The following TULP4 variants were observed in gnomAD, a reference collection of about 807,000 sequenced individuals.
The protein encoded by TULP4 is TUB like protein 4, also known as tubby-related protein 4.
TULP4 carries 16 observed loss-of-function variants against 129.0 expected under a neutral mutation model. The ratio of observed to expected loss-of-function variants is 0.12; its 90% CI spans 0.08 to 0.19. The LOEUF is 0.19. Among genes scored for constraint, TULP4 ranks in the 10% least tolerant of loss-of-function variants. The pLI is 1.00. For missense variants in TULP4, 1,842 were observed against 2,059.1 expected (o/e 0.89, Z 2.04); for synonymous variants, 998 against 854.0 (o/e 1.17, Z -2.94).
At position 158,503,649 on chromosome 6, in the gene TULP4, G is replaced by A. The variant is rs778290647; in HGVS notation, c.3986G>A (p.Arg1329Gln). The A allele has an allele frequency of 3.8e-5, 62 of 1,613,854 alleles. No individual in the cohort carries two copies. The highest frequency in any genetic ancestry group is 1.7e-4 in the Admixed American group (10 of 59,978). The change falls in exon 13 of 14, where the codon CGG becomes CAG. Residue 1329 changes from arginine to glutamine, a missense_variant. Coordinates refer to ENST00000367097, the MANE Select transcript of TULP4 (RefSeq NM_020245.5). The surrounding 1 kb of genome is among the most constrained non-coding windows in gnomAD (Gnocchi z 4.3). ...CTGACCGAAAGCCCAGTCCCCCAGC[G>A]GACAGAAAAATTTGGAAAGAAGAAC... ...LSLTESPVPQRTEKFGKKNRK... is the reference protein window; with the variant it reads ...LSLTESPVPQQTEKFGKKNRK...
chr6:158,299,977 A>G (rs562807447), intron 1 of TULP4, among the ~76,000 whole-genome samples: 1 of 152,154 alleles, frequency 6.6e-6, no homozygotes, highest in Non-Finnish European at 1.5e-5. Context: ...GTTCTTAAGG[A>G]GAAAAAGGGA....
intron 1 of TULP4, among the ~76,000 whole-genome samples, chr6:158,340,869 A>G (rs1486783798): frequency 2.0e-5 from 3 of 152,168 alleles, no homozygotes; most frequent in African/African-American, 4.8e-5. Context: ...CCTTTGTGGG[A>G]TTGCTGAGCT....
At chr6:158,258,780 G>A (rs1272998117) in intron 1 of TULP4, among the ~76,000 whole-genome samples, 1 of 152,206 alleles carries the variant, frequency 6.6e-6, no homozygotes, top group African/African-American at 2.4e-5. Context: ...TTCGGAAGCT[G>A]CTTTTTGTAA....
rs530838893 is a variant in TULP4, at chr6:158,470,903, G to A, written c.1027-8848G>A. 1.3e-4 allele frequency among the ~76,000 whole-genome samples: 20 copies of A among 152,340 alleles called. No individual in the cohort carries two copies. The South Asian group carries it at 3.9e-3, about 30-fold the overall frequency. On this transcript the variant is annotated intron_variant, in intron 6 of 13. Coordinates refer to ENST00000367097, the MANE Select transcript of TULP4 (RefSeq NM_020245.5). ...TAGTGAAGAAGTTGAGGCAGCACAT[G>A]TAAACTACTGTTTTGACTGGGTTTG... is the stretch of plus-strand genomic sequence containing the variant.
At position 158,429,831 on chromosome 6, in the gene TULP4, C is replaced by T. The variant is rs1287462937; in HGVS notation, c.477C>T (p.His159=). Residue 159 remains histidine, a synonymous_variant, in exon 3 of 14, where the codon CAC becomes CAT. Transcript: ENST00000367097. ...VLVGSVSGQR[H]WSSEINLESQ... is the part of the protein sequence containing the mutation. ...TTGGGTCTGTCAGTGGACAAAGACA[C>T]TGGTCATCCGAAATCAACTTGGAAA... 6.2e-7 allele frequency: 1 copy of T among 1,614,118 alleles called. No individual in the cohort carries two copies. Among genetic ancestry groups the T allele is most frequent in the Non-Finnish European group, 8.5e-7 (1 of 1,180,026 alleles).
intron 1 of TULP4, among the ~76,000 whole-genome samples, chr6:158,272,800 T>A (rs1190294619): frequency 6.6e-6 from 1 of 152,230 alleles, no homozygotes; most frequent in East Asian, 1.9e-4. Context: ...AATGTGACAG[T>A]TAGGTTTGTG....
intron 1 of TULP4, among the ~76,000 whole-genome samples, chr6:158,304,592 A>T (rs992428582): frequency 2.0e-5 from 3 of 152,184 alleles, no homozygotes; most frequent in Admixed American, 6.5e-5. Context: ...CTTTATATGA[A>T]TAGTTGCTTT....
At position 158,446,887 on chromosome 6, in the gene TULP4, G is replaced by A. The variant is rs960586056; in HGVS notation, c.544-2109G>A. On this transcript the variant is annotated intron_variant, in intron 3 of 13. Transcript: ENST00000367097. ...TTCTTATATGGGCGCTAATCCTATCGTGGGCGCCCCACCCTCACGACCTTG... is the reference window on the plus strand; with the variant it reads ...TTCTTATATGGGCGCTAATCCTATCATGGGCGCCCCACCCTCACGACCTTG... Among the ~76,000 whole-genome samples the A allele has an allele frequency of 3.3e-5, 5 of 152,216 alleles. No homozygotes were observed. The East Asian group carries it at 7.7e-4, about 24-fold the overall frequency.
chr6:158,446,236 GA>G (rs1377625362), intron 3 of TULP4, among the ~76,000 whole-genome samples: 1 of 152,188 alleles, frequency 6.6e-6, no homozygotes, highest in African/African-American at 2.4e-5. Context: ...AGTAATCTGT[GA>G]CATACTTGTT....
At chr6:158,309,466 G>C (rs1173644045), upstream of TULP4, among the ~76,000 whole-genome samples, 138 of 147,732 alleles carry the variant, frequency 9.3e-4, no homozygotes, top group Non-Finnish European at 1.5e-3. Context: ...AGGCAGAGAC[G>C]CTCCTCACTT....
intron 1 of TULP4, among the ~76,000 whole-genome samples, chr6:158,249,114 A>G (rs1359988174): frequency 2.1e-4 from 32 of 150,870 alleles, no homozygotes; most frequent in Non-Finnish European, 4.4e-5. Context: ...AAGAAAAAAG[A>G]GGTTGGGTCA....
chr6:158,353,679 TAC>T (rs1206373567), intron 1 of TULP4, among the ~76,000 whole-genome samples: 1 of 152,218 alleles, frequency 6.6e-6, no homozygotes, highest in African/African-American at 2.4e-5. Context: ...GAGAAACAGA[TAC>T]AGAGTCTGAA....
At position 158,296,021 on chromosome 6, in the gene TULP4, C is replaced by T. The variant is rs79305625; in HGVS notation, n.116+13643C>T. 4.6e-5 allele frequency among the ~76,000 whole-genome samples: 7 copies of T among 152,160 alleles called. No homozygotes were observed. The East Asian group carries it at 9.6e-4, about 21-fold the overall frequency. On this transcript the variant is annotated intron_variant and non_coding_transcript_variant, in intron 1 of 1. Transcript: ENST00000432358. ...ATATTTTTTCTTTTTAATTTTTAGT[C>T]GTACCACCAATGTATTCTCTATTAA...
At chr6:158,274,694 C>G (rs6912265) in intron 1 of TULP4, among the ~76,000 whole-genome samples, 22,179 of 152,110 alleles carry the variant, frequency 0.15, 2,118 homozygotes, top group Middle Eastern at 0.22. Context: ...GGAGAATGGC[C>G]TGAACCCAGG....
chr6:158,431,722 G>T (rs1013027650), intron 3 of TULP4, among the ~76,000 whole-genome samples: 1 of 152,092 alleles, frequency 6.6e-6, no homozygotes, highest in Non-Finnish European at 1.5e-5. Flanking sequence ...TGGTGTGCAC[G>T]TACCACAGGG....
chr6:158,467,015 A>G (rs1779569018), intron 6 of TULP4, among the ~76,000 whole-genome samples: 1 of 152,114 alleles, frequency 6.6e-6, no homozygotes, highest in Admixed American at 6.5e-5. Context: ...TACTTCACAG[A>G]CCCATTAGCC....
At chr6:158,471,268 G>A (rs1411542162) in intron 6 of TULP4, among the ~76,000 whole-genome samples, 1 of 152,246 alleles carries the variant, frequency 6.6e-6, no homozygotes, top group Admixed American at 6.5e-5. Context: ...GTGCCATGGA[G>A]TGCCATCCAC....
intron 1 of TULP4, among the ~76,000 whole-genome samples, chr6:158,367,923 CAAA>C (rs11351338): frequency 7.2e-6 from 1 of 139,596 alleles, no homozygotes; most frequent in Non-Finnish European, 1.6e-5. Flanking sequence ...ACAAATAATA[CAAA>C]AAAAAAAAAA....
intron 1 of TULP4, among the ~76,000 whole-genome samples, chr6:158,337,689 A>C (rs1780079117): frequency 6.6e-6 from 1 of 152,170 alleles, no homozygotes; most frequent in South Asian, 2.1e-4. Flanking sequence ...AGAAACAACA[A>C]AGTGTCAAGT....
Sources: gnomAD v4.1 joint callset for allele counts (sites outside exome capture counted in the v4.1 genomes callset) on GRCh38, gnomAD v4.1.1 for gene constraint, Gnocchi (gnomAD v3.1) non-coding constraint, MANE v1.5 for transcripts, NCBI Gene and HGNC (gene_info 2026-07-23, HGNC 2026-07-21) for gene names.